Variants in JMJD8 observed in about 807,000 individuals in gnomAD.
JMJD8 encodes jmjC domain-containing protein 8.
A neutral mutation model predicts 37.6 loss-of-function variants in JMJD8; 56 were observed. That is an observed-to-expected ratio of 1.49 (90% CI 1.20 to 1.86). JMJD8 has a LOEUF of 1.86. JMJD8 is among the 40% of genes most tolerant of loss of function. The pLI, the probability that JMJD8 is intolerant of heterozygous loss-of-function variation, is 0.00. For synonymous variants in JMJD8, 261 were observed against 163.7 expected, an observed-to-expected ratio of 1.59 and a Z score of -4.54; for missense variants, 542 against 362.7, an observed-to-expected ratio of 1.49 and a Z score of -4.01.
At position 682,811 on chromosome 16, in the gene JMJD8, A is replaced by C; in HGVS notation, c.778T>G (p.Ser260Ala). The C allele has an allele frequency of 6.2e-7, 1 of 1,612,996 alleles. No individual in the cohort carries two copies. The highest frequency in any genetic ancestry group is 1.7e-5 in the Admixed American group (1 of 60,030). Residue 260 changes from serine (S) to alanine (A), a missense_variant, in exon 9 of 9, where the codon TCC becomes GCC. Ser to Ala is a moderately conservative substitution (Grantham distance 99). Transcript: ENST00000609261. ...TLNLDTSVFISTFLG is the reference protein window; with the variant it reads ...TLNLDTSVFIATFLG ...TGTTTTGGCTAGCCGAGGAAGGTGG[A>C]GATGAAGACGCTGGTGTCAAGGTTG...
At chr16:683,808 G>T (rs369897578) in intron 3 of JMJD8, 27 bp from the exon 4 acceptor site, 5 of 1,590,608 alleles carry the variant, frequency 3.1e-6, no homozygotes, top group Non-Finnish European at 4.3e-6. Context: ...GGGACTTAGT[G>T]GCCGGGCCCA....
Position 683,744 on chromosome 16 carries a change from G to A in JMJD8, c.263C>T (p.Ala88Val), listed in dbSNP as rs1206041964. 6 of 1,610,044 alleles carry A rather than the reference G, an allele frequency of 3.7e-6. No individual in the cohort carries two copies. The highest frequency in any genetic ancestry group is 5.1e-6 in the Non-Finnish European group (6 of 1,178,798). The change falls in exon 4 of 9, where the codon GCT becomes GTT. Residue 88 changes from alanine (A) to valine (V), a missense_variant. Ala to Val is a moderately conservative substitution (Grantham distance 64). Transcript: ENST00000609261. ...RALCSRDRLL[A>V]SFGDRVVRLS... Reference sequence around the variant, plus strand: ...CCGGACCACTCTGTCCCCAAACGAAGCCAGCAACCTGTCGCGGGAGCACAG... The same window carrying A: ...CCGGACCACTCTGTCCCCAAACGAAACCAGCAACCTGTCGCGGGAGCACAG...
Position 682,629 on chromosome 16 carries a change from C to T in JMJD8, c.*165G>A, listed in dbSNP as rs921914606. The T allele has an allele frequency of 1.4e-6, 2 of 1,440,792 alleles. No individual in the cohort carries two copies. Among genetic ancestry groups the T allele is most frequent in the South Asian group, 1.3e-5 (1 of 77,318 alleles). 89.3% of individuals were successfully genotyped at this position (1,440,792 alleles called of 1,614,324 possible). A position where few individuals can be genotyped will look rare whatever the true frequency, so the allele number is the denominator to read the frequency against. On this transcript the variant is annotated 3_prime_UTR_variant, in exon 9 of 9. Coordinates refer to ENST00000609261, the MANE Select transcript of JMJD8 (RefSeq NM_001005920.4). ...TTGGACTCTGGACTGTTTCCCCTCT[C>T]AGCATCGCTTTTGCTGGGCCGTGAT...
Position 682,409 on chromosome 16 carries a change from G to A in JMJD8, c.*385C>T. On this transcript the variant is annotated 3_prime_UTR_variant, in exon 9 of 9. Transcript: ENST00000609261. The stretch of plus-strand genomic sequence containing the variant: ...CGTGACCCGGAGCCCCCTGACCCAG[G>A]AACAGCTCATCCCCAACTTGGCTAT... 2 of 1,613,392 alleles carry A rather than the reference G, an allele frequency of 1.2e-6. No individual in the cohort carries two copies. The highest frequency in any genetic ancestry group is 1.7e-6 in the Non-Finnish European group (2 of 1,180,008).
At position 682,657 on chromosome 16, in the gene JMJD8, T is replaced by C; in HGVS notation, c.*137A>G. 7.2e-7 allele frequency: 1 copy of C among 1,396,336 alleles called. No homozygotes were observed. The highest frequency in any genetic ancestry group is 9.8e-7 in the Non-Finnish European group (1 of 1,018,556). 86.5% of individuals were successfully genotyped at this position (1,396,336 alleles called of 1,614,324 possible). A position where few individuals can be genotyped will look rare whatever the true frequency, so the allele number is the denominator to read the frequency against. ...CATCGCTTTTGCTGGGCCGTGATCG[T>C]CCCCCTTTGTGGGCTGGAAAAGCAG... is the stretch of plus-strand genomic sequence containing the variant. On this transcript the variant is annotated 3_prime_UTR_variant, in exon 9 of 9. Coordinates refer to ENST00000609261, the MANE Select transcript of JMJD8 (RefSeq NM_001005920.4).
rs1423928332 is a variant in JMJD8 at position 682,819 on chromosome 16, A to G, written c.770T>C (p.Val257Ala). The G allele has an allele frequency of 6.2e-7, 1 of 1,612,876 alleles. No homozygotes were observed. The highest frequency in any genetic ancestry group is 1.7e-5 in the Admixed American group (1 of 60,000). The part of the protein sequence containing the change: ...WHATLNLDTS[V>A]FISTFLG The stretch of plus-strand genomic sequence containing the variant: ...CTAGCCGAGGAAGGTGGAGATGAAG[A>G]CGCTGGTGTCAAGGTTGAGCGTAGC... The change falls in exon 9 of 9, where the codon GTC becomes GCC. Residue 257 changes from valine (V) to alanine (A), a missense_variant. By Grantham distance (64) the Val-to-Ala change is moderately conservative. Coordinates refer to ENST00000609261, the MANE Select transcript of JMJD8 (RefSeq NM_001005920.4).
At position 683,250 on chromosome 16, in the gene JMJD8, C is replaced by T. The variant is rs1043431400; in HGVS notation, c.512-16G>A. 4.3e-6 allele frequency: 7 copies of T among 1,613,148 alleles called. No homozygotes were observed. The highest frequency in any genetic ancestry group is 5.1e-6 in the Non-Finnish European group (6 of 1,179,862). On this transcript the variant is annotated splice_polypyrimidine_tract_variant and intron_variant, in intron 6 of 8. Coordinates refer to ENST00000609261, the MANE Select transcript of JMJD8 (RefSeq NM_001005920.4). ...GAGCCAGCTCCTGTGGGGTTATGAG[C>T]ACCTGGTGACCAACCCATTTTGTAC...
At chr16:683,509 C>T (rs1412825459) in intron 5 of JMJD8, 21 bp downstream of exon 5, 2 of 1,545,792 alleles carry the variant, frequency 1.3e-6, no homozygotes, top group South Asian at 1.2e-5. Flanking sequence ...CACCCCCTAC[C>T]GCCGCCTAGG....
chr16:683,816 C>CT, intron 3 of JMJD8, 35 bp from the exon 4 acceptor site: 1 of 1,587,188 alleles, frequency 6.3e-7, no homozygotes. Context: ...GTGGCCGGGC[C>CT]CAGCACGGGC....
At position 683,049 on chromosome 16, in the gene JMJD8, G is replaced by C; in HGVS notation, c.618C>G (p.Phe206Leu). The C allele has an allele frequency of 6.2e-7, 1 of 1,613,612 alleles. No individual in the cohort carries two copies. Among genetic ancestry groups the C allele is most frequent in the Non-Finnish European group, 8.5e-7 (1 of 1,179,874 alleles). Reference protein sequence around the residue: ...FLYPPEKTPEFHPNKTTLAWL... With the variant: ...FLYPPEKTPELHPNKTTLAWL... ...AGGCCAGCGTGGTCTTGTTGGGGTG[G>C]AACTCTGGCGTCTTCTCAGGTGGGT... The change falls in exon 8 of 9, where the codon TTC becomes TTG. Residue 206 changes from phenylalanine to leucine, a missense_variant. By Grantham distance (22) the Phe-to-Leu change is conservative. Coordinates refer to ENST00000609261, the MANE Select transcript of JMJD8 (RefSeq NM_001005920.4).
chr16:682,915 C>T (rs768774605), intron 8 of JMJD8, 38 bp downstream of exon 8: 2 of 1,612,048 alleles, frequency 1.2e-6, no homozygotes, highest in Admixed American at 1.7e-5. Context: ...AGCTGCGGGC[C>T]TCTAGCCTGG....
Position 682,251 on chromosome 16 carries a change from CGA to C in JMJD8, c.*541_*542del. ...GCATCACGCCCAGTGGCATCACCTA[CGA>C]CCGCAAGGACATCGAGGAGCACCTG... On this transcript the variant is annotated 3_prime_UTR_variant, in exon 9 of 9. Transcript: ENST00000609261. 1 of 1,612,330 alleles carries C rather than the reference CGA, an allele frequency of 6.2e-7. No homozygotes were observed. The highest frequency in any genetic ancestry group is 8.5e-7 in the Non-Finnish European group (1 of 1,179,832).
chr16:682,160 C>T lies in JMJD8; in HGVS notation c.*634G>A, dbSNP rs781623712. ...AGCCTCTGACCGTGTGCCCCTGTGC[C>T]ACAGAAGCGAGACATCCCCGACTAC... On this transcript the variant is annotated 3_prime_UTR_variant, in exon 9 of 9. Coordinates refer to ENST00000609261, the MANE Select transcript of JMJD8 (RefSeq NM_001005920.4). 3 of 1,603,312 alleles carry T rather than the reference C, an allele frequency of 1.9e-6. No individual in the cohort carries two copies. Among genetic ancestry groups the T allele is most frequent in the Non-Finnish European group, 2.6e-6 (3 of 1,171,384 alleles).
intron 6 of JMJD8, 38 bp downstream of exon 6, chr16:683,284 A>C (rs1596557062): frequency 1.2e-6 from 2 of 1,611,750 alleles, no homozygotes; most frequent in Admixed American, 3.3e-5. Flanking sequence ...ACTCACCGAC[A>C]GAAGCCTCAG....
In JMJD8 at chr16:684,065, C is replaced by A. The variant is rs200243945; in HGVS notation, c.176+1G>T. ...ACCTCCGCGATCAGGGGCGCACGTA[C>A]TGCTGCACGAACTCCGCGTAGGTGA... is the stretch of plus-strand genomic sequence containing the variant. On this transcript the variant is annotated splice_donor_variant, in intron 2 of 8. Coordinates refer to ENST00000609261, the MANE Select transcript of JMJD8 (RefSeq NM_001005920.4). LOFTEE classifies it high-confidence loss of function. 1,251 of 1,580,256 alleles carry A rather than the reference C, an allele frequency of 7.9e-4. 11 individuals carry two copies. In the African/African-American group the frequency reaches 0.015, roughly 19 times the overall value.
rs774711818 is a variant in JMJD8, at chr16:683,089, T to TG, written c.580-3dup. 1 of 1,613,516 alleles carries TG rather than the reference T, an allele frequency of 6.2e-7. No individual in the cohort carries two copies. The highest frequency in any genetic ancestry group is 8.5e-7 in the Non-Finnish European group (1 of 1,179,858). ...CTCAGGTGGGTAAAGGAACCAGCGCTGGGGGCATGAGCAGCAGTGTCACCC... is the reference window on the plus strand; with the variant it reads ...CTCAGGTGGGTAAAGGAACCAGCGCTGGGGGGCATGAGCAGCAGTGTCACCC... On this transcript the variant is annotated splice_polypyrimidine_tract_variant and splice_region_variant and intron_variant, in intron 7 of 8. Coordinates refer to ENST00000609261, the MANE Select transcript of JMJD8 (RefSeq NM_001005920.4).
rs1567286565 is a variant in JMJD8 at position 683,350 on chromosome 16, G to A, written c.483C>T (p.Thr161=). ...YSPPPFGLLG[T]APAYSFGIAG... is the part of the protein sequence containing the mutation. ...CGATTCCAAAGCTGTAAGCTGGAGC[G>A]GTTCCCAGCAGGCCAAATGGGGGTG... The change falls in exon 6 of 9, where the codon ACC becomes ACT. Residue 161 remains threonine (T), a synonymous_variant. Coordinates refer to ENST00000609261, the MANE Select transcript of JMJD8 (RefSeq NM_001005920.4). The A allele has an allele frequency of 1.9e-6, 3 of 1,570,078 alleles. No homozygotes were observed. Among genetic ancestry groups the A allele is most frequent in the Non-Finnish European group, 8.6e-7 (1 of 1,157,244 alleles).
chr16:682,425 A>T lies in JMJD8; in HGVS notation c.*369T>A. On this transcript the variant is annotated 3_prime_UTR_variant, in exon 9 of 9. Transcript: ENST00000609261. Reference sequence around the variant, plus strand: ...CTGACCCAGGAACAGCTCATCCCCAACTTGGCTATGAAGGAGGTTATTGAC... The same window carrying T: ...CTGACCCAGGAACAGCTCATCCCCATCTTGGCTATGAAGGAGGTTATTGAC... 6.2e-7 allele frequency: 1 copy of T among 1,613,354 alleles called. No individual in the cohort carries two copies. Among genetic ancestry groups the T allele is most frequent in the Non-Finnish European group, 8.5e-7 (1 of 1,179,980 alleles).
Position 683,241 on chromosome 16 carries a change from G to C in JMJD8, c.512-7C>G. ...GGCACCCCCGAGCCAGCTCCTGTGG[G>C]GTTATGAGCACCTGGTGACCAACCC... On this transcript the variant is annotated splice_polypyrimidine_tract_variant and splice_region_variant and intron_variant, in intron 6 of 8. Coordinates refer to ENST00000609261, the MANE Select transcript of JMJD8 (RefSeq NM_001005920.4). The C allele has an allele frequency of 6.2e-7, 1 of 1,613,120 alleles. No homozygotes were observed. Among genetic ancestry groups the C allele is most frequent in the Non-Finnish European group, 8.5e-7 (1 of 1,179,864 alleles).
Sources: gnomAD v4.1 joint callset for allele counts on GRCh38, gnomAD v4.1.1 for gene constraint, MANE v1.5 for transcripts, NCBI Gene and HGNC (gene_info 2026-07-23, HGNC 2026-07-21) for gene names.